ULK4: variants seen among roughly 807,000 people sequenced by gnomAD.
ULK4 encodes the protein unc-51 like kinase 4.
In ULK4, 133 loss-of-function variants were observed where a neutral mutation model predicts 160.6. That is an observed-to-expected ratio of 0.83 (90% CI 0.72 to 0.96). The LOEUF is 0.96. ULK4 is among the 40% of genes least tolerant of loss of function. The pLI is 0.00. For synonymous variants in ULK4, 534 were observed against 539.8 expected, an observed-to-expected ratio of 0.99 and a Z score of 0.15; for missense variants, 1,580 against 1,499.5, an observed-to-expected ratio of 1.05 and a Z score of -0.89.
intron 32 of ULK4, among the ~76,000 whole-genome samples, chr3:41,511,055 C>T (rs556368234): frequency 2.1e-4 from 32 of 150,600 alleles, no homozygotes; most frequent in African/African-American, 7.4e-4. Context: ...CCCAGCTACT[C>T]GGGAGGCTGA....
At chr3:41,774,850 T>G (rs200039671) in intron 21 of ULK4, among the ~76,000 whole-genome samples, 1 of 150,314 alleles carries the variant, frequency 6.7e-6, no homozygotes, top group Non-Finnish European at 1.5e-5. Context: ...TAGATTGGAT[T>G]AAGAAAATGT....
chr3:41,558,322 T>A (rs758989014), intron 32 of ULK4, among the ~76,000 whole-genome samples: 1 of 152,120 alleles, frequency 6.6e-6, no homozygotes, highest in Non-Finnish European at 1.5e-5. Flanking sequence ...CCCAAAACTG[T>A]TGGCAATATT....
intron 30 of ULK4, among the ~76,000 whole-genome samples, chr3:41,635,365 A>G (rs1003644174): frequency 6.6e-6 from 1 of 152,168 alleles, no homozygotes; most frequent in Non-Finnish European, 1.5e-5. Context: ...GTACTTAACA[A>G]ATCTATAGTT....
At chr3:41,802,738 C>CAT (rs2040500110) in intron 19 of ULK4, among the ~76,000 whole-genome samples, 1 of 151,998 alleles carries the variant, frequency 6.6e-6, no homozygotes, top group Non-Finnish European at 1.5e-5. Context: ...TAGGAATTTG[C>CAT]ATATCACTAT....
At chr3:41,701,004 A>AG in intron 27 of ULK4, among the ~76,000 whole-genome samples, 1 of 152,108 alleles carries the variant, frequency 6.6e-6, no homozygotes, top group East Asian at 1.9e-4. Flanking sequence ...AGTAGAAGAC[A>AG]GGGGAAAAAA....
intron 32 of ULK4, among the ~76,000 whole-genome samples, chr3:41,498,768 TA>T (rs2085085012): frequency 6.6e-6 from 1 of 152,072 alleles, no homozygotes; most frequent in Non-Finnish European, 1.5e-5. Flanking sequence ...GCTAATTTTT[TA>T]TATTTTTAGT....
intron 35 of ULK4, among the ~76,000 whole-genome samples, chr3:41,338,579 T>A (rs1344178142): frequency 6.6e-6 from 1 of 152,044 alleles, no homozygotes; most frequent in Non-Finnish European, 1.5e-5. Context: ...ATTTAAAAAA[T>A]CCCACTTGCC....
Position 41,639,012 on chromosome 3 carries a change from A to T in ULK4, c.3072-23295T>A, listed in dbSNP as rs1046430875. Among the ~76,000 whole-genome samples the T allele has an allele frequency of 3.9e-5, 6 of 152,360 alleles. No homozygotes were observed. In the South Asian group the frequency reaches 1.0e-3, roughly 26 times the overall value. The stretch of plus-strand genomic sequence containing the variant: ...TACCAAAAGAAAGCGTAAATATTAA[A>T]ACAGAACCATGATGCCAAAACAGGT... On this transcript the variant is annotated intron_variant, in intron 30 of 36. Transcript: ENST00000301831.
intron 14 of ULK4, 116 bp from the exon 15 acceptor site, chr3:41,897,119 T>C (rs1194154229): frequency 7.2e-6 from 6 of 838,786 alleles, no homozygotes; most frequent in Admixed American, 2.9e-5. Flanking sequence ...AACATTACAC[T>C]GTCAAAACCA....
chr3:41,373,660 A>C (rs370520475), intron 35 of ULK4, among the ~76,000 whole-genome samples: 1 of 152,254 alleles, frequency 6.6e-6, no homozygotes, highest in East Asian at 1.9e-4. Flanking sequence ...AATTAATAGC[A>C]ATAAATGCCC....
intron 35 of ULK4, among the ~76,000 whole-genome samples, chr3:41,344,698 A>G (rs2080760036): frequency 6.8e-6 from 1 of 146,448 alleles, no homozygotes; most frequent in Non-Finnish European, 1.5e-5. Context: ...GGTTGCAGTG[A>G]GCCGCGGTCA....
chr3:41,957,694 C>T (rs1396731177), intron 1 of ULK4, among the ~76,000 whole-genome samples: 1 of 149,476 alleles, frequency 6.7e-6, no homozygotes, highest in Non-Finnish European at 1.5e-5. Flanking sequence ...GCCTGGACAA[C>T]AGGGTGAGAC....
chr3:41,956,204 G>GGAAT lies in ULK4; in HGVS notation c.-48-1401_-48-1398dup, dbSNP rs377146096. ...TAGCATCTGACTGGTTGCAGAGAAT[G>GGAAT]GAATGAATGAATGAATGAAATGGAA... is the stretch of plus-strand genomic sequence containing the variant. On this transcript the variant is annotated intron_variant, in intron 1 of 36. Coordinates refer to ENST00000301831, the MANE Select transcript of ULK4 (RefSeq NM_017886.4). Among the ~76,000 whole-genome samples, 13 of 152,238 alleles carry GGAAT rather than the reference G, an allele frequency of 8.5e-5. 1 individual carries two copies. The highest frequency in any genetic ancestry group is 4.2e-4 in the South Asian group (2 of 4,816).
At position 41,441,648 on chromosome 3, in the gene ULK4, G is replaced by A. The variant is rs912609015; in HGVS notation, c.3492+13849C>T. 5.9e-5 allele frequency among the ~76,000 whole-genome samples: 9 copies of A among 151,922 alleles called. No individual in the cohort carries two copies. The South Asian group carries it at 6.2e-4, about 11-fold the overall frequency. On this transcript the variant is annotated intron_variant, in intron 34 of 36. Transcript: ENST00000301831. ...TATCTTGGTAAAATGTTCAGTGTGC[G>A]CTTCCAATAATGTATTTCCTTCTTT... is the stretch of plus-strand genomic sequence containing the variant.
intron 35 of ULK4, among the ~76,000 whole-genome samples, chr3:41,363,187 G>A (rs1273617954): frequency 1.3e-5 from 2 of 152,210 alleles, no homozygotes; most frequent in African/African-American, 2.4e-5. Flanking sequence ...TCCCCGGGGG[G>A]CACATAGAGA....
intron 30 of ULK4, among the ~76,000 whole-genome samples, chr3:41,642,824 T>C (rs1244358276): frequency 2.6e-5 from 4 of 152,374 alleles, no homozygotes; most frequent in African/African-American, 9.6e-5. Context: ...AAAGTGTTCC[T>C]ATTTCTCCAC....
intron 35 of ULK4, among the ~76,000 whole-genome samples, chr3:41,296,731 A>C (rs1302837387): frequency 1.3e-5 from 2 of 152,048 alleles, no homozygotes; most frequent in Non-Finnish European, 2.9e-5. Context: ...CATGGCTAGG[A>C]GCTGATGAGT....
chr3:41,795,792 G>A lies in ULK4; in HGVS notation c.2010+4340C>T, dbSNP rs74439565. Among the ~76,000 whole-genome samples the A allele has an allele frequency of 6.9e-3, 1,045 of 152,252 alleles. 45 individuals carry two copies. In the East Asian group the frequency reaches 0.13, roughly 18 times the overall value. On this transcript the variant is annotated intron_variant, in intron 20 of 36. Transcript: ENST00000301831. ...AAGTTGGTGGAGCCTAAAACTGGAC[G>A]TTGGAAGACCATTTAGCAAGCTACT...
At chr3:41,343,566 A>G (rs1009636565) in intron 35 of ULK4, among the ~76,000 whole-genome samples, 4 of 151,898 alleles carry the variant, frequency 2.6e-5, no homozygotes, top group African/African-American at 9.7e-5. Flanking sequence ...GGCCTCCCAA[A>G]GTGCTGGGAT....
Sources: allele counts gnomAD v4.1 joint callset (sites outside exome capture counted in the v4.1 genomes callset), GRCh38; gene constraint gnomAD v4.1.1; transcripts MANE v1.5; gene names NCBI Gene and HGNC (gene_info 2026-07-23, HGNC 2026-07-21).